The following LARGE1 variants were observed in gnomAD, a reference collection of about 807,000 sequenced individuals.
LARGE1 encodes xylosyl- and glucuronyltransferase LARGE1.
A neutral mutation model predicts 87.6 loss-of-function variants in LARGE1; 43 were observed. That is an observed-to-expected ratio of 0.49 (90% CI 0.38 to 0.63). The LOEUF (loss-of-function observed/expected upper bound fraction) is 0.63, where lower values mean the gene tolerates loss of function less well. LARGE1 is among the 30% of genes least tolerant of loss of function. The pLI is 0.00. For missense variants in LARGE1, 802 were observed against 1,000.2 expected (o/e 0.80, Z 2.67); for synonymous variants, 434 against 394.6 (o/e 1.10, Z -1.18).
intron 5 of LARGE1, among the ~76,000 whole-genome samples, chr22:33,568,408 A>T (rs1056869878): frequency 2.0e-5 from 3 of 152,236 alleles, no homozygotes; most frequent in Middle Eastern, 3.4e-3. Context: ...AGAAGGAAAA[A>T]CCTCACACAA....
chr22:33,248,346 C>T (rs1319239462), intron 11 of LARGE1, among the ~76,000 whole-genome samples: 1 of 152,150 alleles, frequency 6.6e-6, no homozygotes, highest in South Asian at 2.1e-4. Flanking sequence ...TGCCACCACA[C>T]CTAGCTAATT....
At chr22:33,893,911 C>T (rs1248294710) in intron 1 of LARGE1, among the ~76,000 whole-genome samples, 2 of 152,192 alleles carry the variant, frequency 1.3e-5, no homozygotes, top group Non-Finnish European at 2.9e-5. Context: ...ACCTCCGCCC[C>T]TTTCACTACA....
intron 1 of LARGE1, among the ~76,000 whole-genome samples, chr22:33,868,884 C>T (rs1325500305): frequency 2.0e-5 from 3 of 152,090 alleles, no homozygotes; most frequent in African/African-American, 7.2e-5. Context: ...GCAAGGTACA[C>T]GGATTCACGG....
At position 33,359,334 on chromosome 22, in the gene LARGE1, C is replaced by A. The variant is rs1385318951; in HGVS notation, c.1132-21533G>T. ...AGAAAAGTGACTTAACCTGTGTGAT[C>A]CTTCATTTTCTGACTTATAAAATGA... On this transcript the variant is annotated intron_variant, in intron 9 of 14. Transcript: ENST00000397394. Among the ~76,000 whole-genome samples, 3 of 152,094 alleles carry A rather than the reference C, an allele frequency of 2.0e-5. No individual in the cohort carries two copies. The East Asian group carries it at 5.8e-4, about 29-fold the overall frequency.
chr22:33,128,076 T>A, the LARGE1 span, among the ~76,000 whole-genome samples: 11 of 152,222 alleles, frequency 7.2e-5, no homozygotes, highest in South Asian at 8.3e-4. Flanking sequence ...AAACCTTTTT[T>A]AAATTATTTT....
At position 33,334,334 on chromosome 22, in the gene LARGE1, C is replaced by T. The variant is rs766478480; in HGVS notation, c.1287+3312G>A. Among the ~76,000 whole-genome samples, 7 of 144,320 alleles carry T rather than the reference C, an allele frequency of 4.9e-5. No individual in the cohort carries two copies. In the South Asian group the frequency reaches 9.1e-4, roughly 19 times the overall value. 94.7% of individuals were successfully genotyped at this position (144,320 alleles called of 152,430 possible). On this transcript the variant is annotated intron_variant, in intron 10 of 14. Transcript: ENST00000397394. ...GAAGCTGAAGCAGAATTGCTTGAAC[C>T]GGAGAGGCGGAGGTTACAGTGAGCT...
intron 9 of LARGE1, among the ~76,000 whole-genome samples, chr22:33,355,852 T>C (rs1940841356): frequency 1.3e-5 from 2 of 152,190 alleles, no homozygotes; most frequent in Admixed American, 6.5e-5. Flanking sequence ...TAAGGAAGTG[T>C]GGGCTTCTAA....
At chr22:33,546,826 C>T (rs1303966095) in intron 6 of LARGE1, among the ~76,000 whole-genome samples, 7 of 152,114 alleles carry the variant, frequency 4.6e-5, no homozygotes, top group Admixed American at 6.5e-5. Context: ...TCAGGTTATC[C>T]GCCCACCTTG....
intron 5 of LARGE1, among the ~76,000 whole-genome samples, chr22:33,603,554 C>T (rs2079166311): frequency 6.6e-6 from 1 of 152,174 alleles, no homozygotes; most frequent in African/African-American, 2.4e-5. Flanking sequence ...GGAGTTGGCA[C>T]TGCAGCTGAG....
intron 6 of LARGE1, among the ~76,000 whole-genome samples, chr22:33,485,821 A>G (rs1472380244): frequency 1.3e-5 from 2 of 151,968 alleles, no homozygotes; most frequent in Non-Finnish European, 2.9e-5. Flanking sequence ...ACTCAGCTTT[A>G]TTTTCCACCA....
chr22:33,760,574 C>T (rs2084688864), intron 2 of LARGE1, among the ~76,000 whole-genome samples: 1 of 152,178 alleles, frequency 6.6e-6, no homozygotes, highest in Admixed American at 6.5e-5. Flanking sequence ...TGTGAATCTC[C>T]AGATCTGTTA....
chr22:33,687,589 G>A (rs1041948967), intron 2 of LARGE1, among the ~76,000 whole-genome samples: 3 of 152,058 alleles, frequency 2.0e-5, no homozygotes, highest in Admixed American at 6.6e-5. Flanking sequence ...AGGAGGCGTC[G>A]CATGTTCTTG....
the LARGE1 span, among the ~76,000 whole-genome samples, chr22:33,144,662 A>G: frequency 6.6e-6 from 1 of 152,172 alleles, no homozygotes; most frequent in Non-Finnish European, 1.5e-5. Context: ...ACATAACTAA[A>G]TAAAAATGCC....
At chr22:33,109,018 A>C in the LARGE1 span, 1 of 152,196 alleles carries the variant, frequency 6.6e-6, no homozygotes, top group Non-Finnish European at 1.5e-5. Context: ...GATTTAATAA[A>C]ATTCTACCTG....
At chr22:33,280,335 A>T (rs1004530933) in intron 13 of LARGE1, among the ~76,000 whole-genome samples, 1 of 151,488 alleles carries the variant, frequency 6.6e-6, no homozygotes, top group Non-Finnish European at 1.5e-5. Flanking sequence ...AAAAAAAAAA[A>T]AGAGAAAGAG....
intron 6 of LARGE1, among the ~76,000 whole-genome samples, chr22:33,469,357 A>C (rs1038290115): frequency 2.6e-5 from 4 of 152,248 alleles, no homozygotes; most frequent in African/African-American, 9.6e-5. Context: ...AGTCATAAAA[A>C]AGAACAAGGT....
intron 2 of LARGE1, among the ~76,000 whole-genome samples, chr22:33,715,319 A>G (rs2082876899): frequency 6.6e-6 from 1 of 152,074 alleles, no homozygotes; most frequent in South Asian, 2.1e-4. Flanking sequence ...GTCTTTTTCC[A>G]AGCTCACTGA....
chr22:33,355,758 A>G lies in LARGE1; in HGVS notation c.1132-17957T>C, dbSNP rs116704674. Among the ~76,000 whole-genome samples the G allele has an allele frequency of 6.8e-3, 405 of 59,458 alleles. 9 individuals are homozygous for G. The highest frequency in any genetic ancestry group is 0.013 in the African/African-American group (395 of 29,470). 39.0% of individuals were successfully genotyped at this position (59,458 alleles called of 152,430 possible). A position where few individuals can be genotyped will look rare whatever the true frequency, so the allele number is the denominator to read the frequency against. ...GGGGAGGCTCTCAGTTAGTGGCTCA[A>G]TGTCCATGGTCGCCAAATACTGCTT... On this transcript the variant is annotated intron_variant, in intron 9 of 14. Transcript: ENST00000397394.
At chr22:33,548,997 C>G (rs1422504352) in intron 6 of LARGE1, among the ~76,000 whole-genome samples, 2 of 152,194 alleles carry the variant, frequency 1.3e-5, no homozygotes, top group Non-Finnish European at 2.9e-5. Flanking sequence ...CCAGACCTTC[C>G]TTTTCTGATG....
Sources: gnomAD v4.1 joint callset for allele counts (sites outside exome capture counted in the v4.1 genomes callset) on GRCh38, gnomAD v4.1.1 for gene constraint, MANE v1.5 for transcripts, NCBI Gene and HGNC (gene_info 2026-07-23, HGNC 2026-07-21) for gene names.